Variants in ARMC12 observed in about 807,000 individuals in gnomAD.
ARMC12 encodes the protein armadillo repeat-containing protein 12.
Under a neutral mutation model 37.4 loss-of-function variants are expected in ARMC12, and 25 were observed. The ratio of observed to expected loss-of-function variants is 0.67; its 90% confidence interval spans 0.49 to 0.93. The LOEUF is 0.93. Among genes scored for constraint, ARMC12 ranks in the 40% least tolerant of loss-of-function variants. ARMC12 has a pLI of 0.00. For synonymous variants in ARMC12, 167 were observed against 176.1 expected (o/e 0.95, Z 0.41); for missense variants, 384 against 426.6 (o/e 0.90, Z 0.88).
chr6:35,739,315 TA>T (rs532479930), intron 3 of ARMC12, among the ~76,000 whole-genome samples: 177 of 152,354 alleles, frequency 1.2e-3, no homozygotes, highest in African/African-American at 4.1e-3. Context: ...CCTTCTAAGC[TA>T]TATGTCTATG....
chr6:35,740,454 A>G (rs1767130863), intron 3 of ARMC12, among the ~76,000 whole-genome samples: 1 of 152,198 alleles, frequency 6.6e-6, no homozygotes, highest in South Asian at 2.1e-4. Context: ...TTACAAAGCA[A>G]AACCAAAAAA....
At chr6:35,747,724 A>T in intron 5 of ARMC12, 77 bp downstream of exon 5, 2 of 1,444,276 alleles carry the variant, frequency 1.4e-6, no homozygotes, top group Non-Finnish European at 1.9e-6. Context: ...GCATCTCCAG[A>T]CAGATTTACC....
Position 35,747,362 on chromosome 6 carries a change from T to C in ARMC12, c.546T>C (p.Tyr182=). The C allele has an allele frequency of 6.2e-7, 1 of 1,614,214 alleles. No individual in the cohort carries two copies. Among genetic ancestry groups the C allele is most frequent in the Non-Finnish European group, 8.5e-7 (1 of 1,180,044 alleles). ...TCAACAACCTTCCACTGCCCGACTA[T>C]GTGCATCCACAGCTGCGACGGGTGA... ...RLLNNLPLPD[Y]VHPQLRRVMP... is the part of the protein sequence containing the mutation. Residue 182 remains tyrosine, a synonymous_variant, in exon 4 of 6, where the codon TAT becomes TAC. Coordinates refer to ENST00000373866, the MANE Select transcript of ARMC12 (RefSeq NM_001286574.2).
rs751442157 is a variant in ARMC12 at position 35,737,152 on chromosome 6, G to C, written c.44G>C (p.Arg15Pro). The part of the protein sequence containing the change: ...IPQYLGQLDI[R>P]KSVVSLATGA... ...CAATACCTGGGGCAACTGGACATCC[G>C]CAAAAGCGTAGTCAGCCTGGCCACA... Residue 15 changes from arginine (R) to proline (P), a missense_variant, in exon 1 of 6, where the codon CGC becomes CCC. By Grantham distance (103) the Arg-to-Pro change is moderately radical. Coordinates refer to ENST00000373866, the MANE Select transcript of ARMC12 (RefSeq NM_001286574.2). 6.2e-7 allele frequency: 1 copy of C among 1,614,206 alleles called. No individual in the cohort carries two copies. Among genetic ancestry groups the C allele is most frequent in the Non-Finnish European group, 8.5e-7 (1 of 1,180,034 alleles).
At position 35,747,270 on chromosome 6, in the gene ARMC12, A is replaced by G. The variant is rs552676033; in HGVS notation, c.454A>G (p.Ile152Val). Residue 152 changes from isoleucine (I) to valine (V), a missense_variant, in exon 4 of 6, where the codon ATC (isoleucine) becomes GTC (valine). Transcript: ENST00000373866. ...TTCTCCCCCACTCCAGGAACACTCC[A>G]TCAAAGTACTCGAACTGATCTCCAC... ...KFRLKIQEHS[I>V]KVLELISTIW... The G allele has an allele frequency of 5.6e-6, 9 of 1,612,074 alleles. No individual in the cohort carries two copies. Among genetic ancestry groups the G allele is most frequent in the Non-Finnish European group, 6.8e-6 (8 of 1,179,742 alleles).
chr6:35,741,745 T>A (rs1767174676), intron 3 of ARMC12, among the ~76,000 whole-genome samples: 1 of 152,122 alleles, frequency 6.6e-6, no homozygotes, highest in Non-Finnish European at 1.5e-5. Context: ...GGCATCAAAC[T>A]TTTTTGGGGA....
Position 35,737,125 on chromosome 6 carries a change from C to A in ARMC12, c.17C>A (p.Pro6His), listed in dbSNP as rs1472651715. The part of the protein sequence containing the change: MGKSI[P>H]QYLGQLDIRK... ...ACTGAAGACATGGGCAAGAGCATCC[C>A]CCAATACCTGGGGCAACTGGACATC... Residue 6 changes from proline to histidine, a missense_variant, in exon 1 of 6, where the codon CCC becomes CAC. Pro to His is a moderately conservative substitution (Grantham distance 77). Transcript: ENST00000373866. 2.5e-6 allele frequency: 4 copies of A among 1,614,062 alleles called. No individual in the cohort carries two copies. The highest frequency in any genetic ancestry group is 3.4e-6 in the Non-Finnish European group (4 of 1,180,040).
chr6:35,737,318 T>G, intron 1 of ARMC12, 47 bp downstream of exon 1: 1 of 1,614,232 alleles, frequency 6.2e-7, no homozygotes, highest in Non-Finnish European at 8.5e-7. Context: ...AGGAGGCACC[T>G]GCTCCCGAGG....
rs547482922 is a variant in ARMC12, at chr6:35,740,124, A to C, written c.444+1606A>C. Among the ~76,000 whole-genome samples the C allele has an allele frequency of 2.0e-5, 3 of 152,142 alleles. No homozygotes were observed. The East Asian group carries it at 5.8e-4, about 29-fold the overall frequency. On this transcript the variant is annotated intron_variant, in intron 3 of 5. Coordinates refer to ENST00000373866, the MANE Select transcript of ARMC12 (RefSeq NM_001286574.2). ...GGAACTAGGGACAAAGATCAGATGTATTTTTTATACTCTATCCCCTGGGCC... is the reference window on the plus strand; with the variant it reads ...GGAACTAGGGACAAAGATCAGATGTCTTTTTTATACTCTATCCCCTGGGCC...
intron 3 of ARMC12, among the ~76,000 whole-genome samples, chr6:35,744,698 C>T (rs1271004468): frequency 2.0e-5 from 3 of 151,956 alleles, no homozygotes; most frequent in East Asian, 2.0e-4. Context: ...GAGGTTGCAG[C>T]GAGCCGAGAT....
the ARMC12 span, among the ~76,000 whole-genome samples, chr6:35,731,535 G>C: frequency 1.3e-5 from 2 of 151,896 alleles, no homozygotes; most frequent in Admixed American, 6.6e-5. Flanking sequence ...TCTCTCCATC[G>C]TCTCCTGGTG....
intron 1 of ARMC12, among the ~76,000 whole-genome samples, chr6:35,737,627 G>T (rs559943334): frequency 2.6e-5 from 4 of 152,206 alleles, no homozygotes; most frequent in Non-Finnish European, 5.9e-5. Context: ...AAGATTGGAG[G>T]ACTTACTATA....
intron 3 of ARMC12, among the ~76,000 whole-genome samples, chr6:35,744,329 A>G (rs1358335729): frequency 6.6e-6 from 1 of 151,854 alleles, no homozygotes; most frequent in African/African-American, 2.4e-5. Flanking sequence ...TTTAGTAGAG[A>G]CGGGGTTTCA....
chr6:35,738,293 G>GC (rs1367854057), intron 2 of ARMC12, 91 bp from the exon 3 acceptor site: 3 of 1,431,832 alleles, frequency 2.1e-6, no homozygotes, highest in East Asian at 4.7e-5. Context: ...CGGTGGGGGG[G>GC]GGGTGTGCGG....
At chr6:35,732,279 A>G (rs1766852523), upstream of ARMC12, among the ~76,000 whole-genome samples, 1 of 152,102 alleles carries the variant, frequency 6.6e-6, no homozygotes, top group Non-Finnish European at 1.5e-5. Flanking sequence ...ACGTTAAGGC[A>G]GGGGCGGCCC....
At chr6:35,734,994 T>A (rs1404599811), upstream of ARMC12, 2 of 152,104 alleles carry the variant, frequency 1.3e-5, no homozygotes, top group African/African-American at 4.8e-5. Context: ...CCAGAAGAAA[T>A]GGGCCTTAGG....
chr6:35,736,448 G>A (rs190329825), upstream of ARMC12, among the ~76,000 whole-genome samples: 12 of 152,278 alleles, frequency 7.9e-5, no homozygotes, highest in East Asian at 1.3e-3. Context: ...GCCCCAGCCC[G>A]GAAATGGACC....
At chr6:35,743,238 C>T (rs550900698) in intron 3 of ARMC12, among the ~76,000 whole-genome samples, 2 of 145,224 alleles carry the variant, frequency 1.4e-5, no homozygotes, top group East Asian at 2.0e-4. Flanking sequence ...TTTTTTGAGA[C>T]GGAGTTTCGC....
In ARMC12 at chr6:35,741,130, C is replaced by T. The variant is rs1767153991; in HGVS notation, c.444+2612C>T. ...GCAATTCTCCCCCCTGGGTCTCTTT[C>T]ACCGCTCTGTGGTGGTCTCTTTCGT... On this transcript the variant is annotated intron_variant, in intron 3 of 5. Transcript: ENST00000373866. 2.0e-5 allele frequency among the ~76,000 whole-genome samples: 3 copies of T among 152,218 alleles called. No homozygotes were observed. In the South Asian group the frequency reaches 6.2e-4, roughly 32 times the overall value.
Sources: allele counts gnomAD v4.1 joint callset (sites outside exome capture counted in the v4.1 genomes callset), GRCh38; gene constraint gnomAD v4.1.1; transcripts MANE v1.5; gene names NCBI Gene and HGNC (gene_info 2026-07-23, HGNC 2026-07-21).